POSTN: variants seen among roughly 807,000 people sequenced by gnomAD.
The protein encoded by POSTN is osteoblast specific factor 2 (fasciclin I-like).
Under a neutral mutation model 104.5 loss-of-function variants are expected in POSTN, and 71 were observed. The ratio of observed to expected loss-of-function variants is 0.68; its 90% CI spans 0.56 to 0.83. The LOEUF (loss-of-function observed/expected upper bound fraction) is 0.83, where lower values mean the gene tolerates loss of function less well. POSTN is among the 40% of genes least tolerant of loss of function. POSTN has a pLI of 0.00. For synonymous variants in POSTN, 355 were observed against 340.7 expected (o/e 1.04, Z -0.46); for missense variants, 949 against 1,006.8 (o/e 0.94, Z 0.78).
chr13:37,569,224 G>T, intron 21 of POSTN, 76 bp downstream of exon 21: 3 of 1,017,404 alleles, frequency 2.9e-6, no homozygotes, highest in Admixed American at 2.4e-5. Context: ...GAAAAAATCT[G>T]CTTGCTCAGT....
intron 15 of POSTN, among the ~76,000 whole-genome samples, chr13:37,578,245 A>G (rs1950472289): frequency 6.6e-6 from 1 of 152,132 alleles, no homozygotes. Context: ...TGGACTGTAA[A>G]CTTTTTGAAT....
In POSTN at chr13:37,569,810, T is replaced by G; in HGVS notation, c.2281A>C (p.Lys761Gln). The G allele has an allele frequency of 6.2e-7, 1 of 1,600,538 alleles. No homozygotes were observed. Among genetic ancestry groups the G allele is most frequent in the Non-Finnish European group, 8.6e-7 (1 of 1,169,088 alleles). ...EERIITGPEIKYTRISTGGGE... is the reference protein window; with the variant it reads ...EERIITGPEIQYTRISTGGGE... The stretch of plus-strand genomic sequence containing the variant: ...CCTCCAGTAGAAATCCTAGTGTATT[T>G]TATTTCAGGACCTATGAGAAGGACA... Residue 761 changes from lysine (K) to glutamine (Q), a missense_variant, in exon 20 of 23, where the codon AAA becomes CAA. Transcript: ENST00000379747.
chr13:37,584,164 A>G, intron 8 of POSTN, 61 bp from the exon 9 acceptor site: 1 of 1,587,102 alleles, frequency 6.3e-7, no homozygotes, highest in Non-Finnish European at 8.6e-7. Context: ...CCATCATGAA[A>G]CTAGTAAATC....
At chr13:37,583,259 T>C (rs918172461) in intron 9 of POSTN, among the ~76,000 whole-genome samples, 1 of 152,130 alleles carries the variant, frequency 6.6e-6, no homozygotes, top group East Asian at 1.9e-4. Flanking sequence ...TATTTATTTA[T>C]AATTTGACAC....
chr13:37,597,278 T>C lies in POSTN; in HGVS notation c.124A>G (p.Asn42Asp). 1 of 1,575,828 alleles carries C rather than the reference T, an allele frequency of 6.3e-7. No individual in the cohort carries two copies. Among genetic ancestry groups the C allele is most frequent in the South Asian group, 1.2e-5 (1 of 83,910 alleles). The change falls in exon 2 of 23, where the codon AAT (asparagine) becomes GAT (aspartate). Residue 42 changes from asparagine (N) to aspartate (D), a missense_variant. Transcript: ENST00000379747. Reference protein sequence around the residue: ...SRIRGRDQGPNVCALQQILGT... With the variant: ...SRIRGRDQGPDVCALQQILGT... ...AAAATCTGTTGAAGGGCACAGACATTTGGGCTGGAGGATAGAGGGAAAGGA... is the reference window on the plus strand; with the variant it reads ...AAAATCTGTTGAAGGGCACAGACATCTGGGCTGGAGGATAGAGGGAAAGGA...
intron 16 of POSTN, among the ~76,000 whole-genome samples, chr13:37,575,874 G>A (rs532175836): frequency 6.6e-6 from 1 of 152,232 alleles, no homozygotes; most frequent in South Asian, 2.1e-4. Context: ...TAGTTCCACA[G>A]GTGGTCTTGC....
chr13:37,564,401 T>A lies in POSTN; in HGVS notation c.2473+118A>T, dbSNP rs565833301. ...TGTTTTCATCAAAACTGGCTAGCTTTTCTCTCTGATCGATAACAAGTTTCA... is the reference window on the plus strand; with the variant it reads ...TGTTTTCATCAAAACTGGCTAGCTTATCTCTCTGATCGATAACAAGTTTCA... On this transcript the variant is annotated intron_variant, in intron 22 of 22. Transcript: ENST00000379747. 3 of 626,676 alleles carry A rather than the reference T, an allele frequency of 4.8e-6. No homozygotes were observed. In the Admixed American group the frequency reaches 8.6e-5, roughly 18 times the overall value. The allele number at this position is 626,676 out of a possible 1,614,324, so 38.8% of individuals were successfully genotyped here.
At chr13:37,578,332 T>C (rs1950474509) in intron 15 of POSTN, among the ~76,000 whole-genome samples, 1 of 152,208 alleles carries the variant, frequency 6.6e-6, no homozygotes, top group South Asian at 2.1e-4. Context: ...TTTTAATAGA[T>C]ATTTGTTGAA....
intron 20 of POSTN, 118 bp from the exon 21 acceptor site, chr13:37,569,501 C>T: frequency 1.1e-6 from 1 of 908,008 alleles, no homozygotes; most frequent in South Asian, 1.4e-5. Flanking sequence ...ACACTCGATT[C>T]TTTCACAAAT....
In POSTN at chr13:37,584,912, G is replaced by A. The variant is rs751696435; in HGVS notation, c.912C>T (p.His304=). Residue 304 remains histidine (H), a synonymous_variant, in exon 8 of 23, where the codon CAC becomes CAT. Coordinates refer to ENST00000379747, the MANE Select transcript of POSTN (RefSeq NM_006475.3). The part of the protein sequence containing the change: ...KVASEALMKY[H]ILNTLQCSES... Reference sequence around the variant, plus strand: ...CAGAACACTGGAGAGTATTTAAGATGTGGTACTTCATAAGAGCTGGAGAAC... The same window carrying A: ...CAGAACACTGGAGAGTATTTAAGATATGGTACTTCATAAGAGCTGGAGAAC... 5 of 1,613,698 alleles carry A rather than the reference G, an allele frequency of 3.1e-6. No homozygotes were observed. In the East Asian group the frequency reaches 8.9e-5, roughly 29 times the overall value.
Position 37,570,679 on chromosome 13 carries a change from G to C in POSTN, c.2180-10C>G. ...TTTTTAATAATTGGCTCTAAAAGCA[G>C]GGGAATACAAATGCATTTGATTTAC... On this transcript the variant is annotated splice_polypyrimidine_tract_variant and intron_variant, in intron 18 of 22. Transcript: ENST00000379747. 6.4e-7 allele frequency: 1 copy of C among 1,557,494 alleles called. No homozygotes were observed. Among genetic ancestry groups the C allele is most frequent in the Non-Finnish European group, 8.9e-7 (1 of 1,129,384 alleles).
chr13:37,564,276 T>G (rs1950026415), intron 22 of POSTN, among the ~76,000 whole-genome samples: 1 of 146,088 alleles, frequency 6.8e-6, no homozygotes, highest in Admixed American at 6.9e-5. Context: ...TCAATATGCC[T>G]AGCAGTTTAC....
intron 16 of POSTN, among the ~76,000 whole-genome samples, chr13:37,576,257 C>T (rs186287093): frequency 4.5e-4 from 68 of 152,096 alleles, no homozygotes; most frequent in Non-Finnish European, 8.5e-4. Flanking sequence ...AAGTCAACAA[C>T]GAAATATAAA....
Position 37,582,412 on chromosome 13 carries a change from A to G in POSTN, c.1346T>C (p.Leu449Pro). 1.2e-6 allele frequency: 2 copies of G among 1,613,908 alleles called. No homozygotes were observed. Among genetic ancestry groups the G allele is most frequent in the Non-Finnish European group, 1.7e-6 (2 of 1,179,918 alleles). ...GAGCTGTTTGCCTCCGATGGTTTCC[A>G]GTATTTGCCCGTTGTAAAGCTCATT... ...GLNELYNGQI[L>P]ETIGGKQLRV... Residue 449 changes from leucine to proline, a missense_variant, in exon 10 of 23, where the codon CTG (leucine) becomes CCG (proline). Transcript: ENST00000379747.
chr13:37,579,924 A>G lies in POSTN; in HGVS notation c.1597T>C (p.Leu533=). 6.2e-7 allele frequency: 1 copy of G among 1,613,606 alleles called. No individual in the cohort carries two copies. Among genetic ancestry groups the G allele is most frequent in the East Asian group, 2.2e-5 (1 of 44,854 alleles). Reference sequence around the variant, plus strand: ...AAAGCATCATTGGTTGGCACAAATAATGTCCAGTCTCCAGGTTGTGTCAGG... The same window carrying G: ...AAAGCATCATTGGTTGGCACAAATAGTGTCCAGTCTCCAGGTTGTGTCAGG... ...ELLTQPGDWT[L]FVPTNDAFKG... Residue 533 remains leucine, a synonymous_variant, in exon 12 of 23, where the codon TTA becomes CTA. Coordinates refer to ENST00000379747, the MANE Select transcript of POSTN (RefSeq NM_006475.3).
chr13:37,564,185 T>TACAAAACATTACATAA lies in POSTN; in HGVS notation c.2473+333_2473+334insTTATGTAATGTTTTGT, dbSNP rs1459091575. On this transcript the variant is annotated intron_variant, in intron 22 of 22. Transcript: ENST00000379747. ...ACTTGTATATACAAAACATTACATA[T>TACAAAACATTACATAA]ATATATATATATATATATATATATA... Among the ~76,000 whole-genome samples, 4 of 49,704 alleles carry TACAAAACATTACATAA rather than the reference T, an allele frequency of 8.0e-5. No homozygotes were observed. In the East Asian group the frequency reaches 1.6e-3, roughly 20 times the overall value. The allele number at this position is 49,704 out of a possible 152,430, so 32.6% of individuals were successfully genotyped here. A position where few individuals can be genotyped will look rare whatever the true frequency, so the allele number is the denominator to read the frequency against.
chr13:37,570,738 C>T lies in POSTN; in HGVS notation c.2180-69G>A, dbSNP rs1397954417. On this transcript the variant is annotated intron_variant, in intron 18 of 22. Coordinates refer to ENST00000379747, the MANE Select transcript of POSTN (RefSeq NM_006475.3). ...TGTGACTATACATCCATAAGCTAGA[C>T]ATTGTAATGATTAACTATATTTCTA... is the stretch of plus-strand genomic sequence containing the variant. 5.3e-6 allele frequency: 5 copies of T among 940,448 alleles called. No homozygotes were observed. The African/African-American group carries it at 6.5e-5, about 12-fold the overall frequency. The allele number at this position is 940,448 out of a possible 1,614,324, so 58.3% of individuals were successfully genotyped here. A position where few individuals can be genotyped will look rare whatever the true frequency, so the allele number is the denominator to read the frequency against.
At position 37,579,247 on chromosome 13, in the gene POSTN, G is replaced by C. The variant is rs375149310; in HGVS notation, c.1773C>G (p.Ser591Arg). The C allele has an allele frequency of 6.2e-7, 1 of 1,611,082 alleles. No individual in the cohort carries two copies. Among genetic ancestry groups the C allele is most frequent in the Non-Finnish European group, 8.5e-7 (1 of 1,177,610 alleles). ...VTNILKTTQGSKIFLKEVNDT... is the reference protein window; with the variant it reads ...VTNILKTTQGRKIFLKEVNDT... ...AACTTACTTCTTTCAGAAAGATTTT[G>C]CTTCCTTGTGTGGTCTTTAAAATGT... Residue 591 changes from serine to arginine, a missense_variant, in exon 13 of 23, where the codon AGC becomes AGG. Ser to Arg is a moderately radical substitution (Grantham distance 110, BLOSUM62 -1). Coordinates refer to ENST00000379747, the MANE Select transcript of POSTN (RefSeq NM_006475.3).
In POSTN at chr13:37,597,229, C is replaced by T. The variant is rs765613250; in HGVS notation, c.173G>A (p.Ser58Asn). Residue 58 changes from serine to asparagine, a missense_variant, in exon 2 of 23, where the codon AGC becomes AAC. By Grantham distance (46) the Ser-to-Asn change is conservative (BLOSUM62 1). Coordinates refer to ENST00000379747, the MANE Select transcript of POSTN (RefSeq NM_006475.3). ...CTTTTTATACCAGTTCTTACAAGTGCTGAAGTATTTCTTTTTGGTGCCCAA... is the reference window on the plus strand; with the variant it reads ...CTTTTTATACCAGTTCTTACAAGTGTTGAAGTATTTCTTTTTGGTGCCCAA... ...QILGTKKKYF[S>N]TCKNWYKKSI... is the part of the protein sequence containing the mutation. The T allele has an allele frequency of 1.3e-6, 2 of 1,585,248 alleles. No homozygotes were observed. The highest frequency in any genetic ancestry group is 2.8e-5 in the African/African-American group (2 of 72,528).
Sources: gnomAD v4.1 joint callset for allele counts (sites outside exome capture counted in the v4.1 genomes callset) on GRCh38, gnomAD v4.1.1 for gene constraint, MANE v1.5 for transcripts, NCBI Gene and HGNC (gene_info 2026-07-23, HGNC 2026-07-21) for gene names.